CCR5AS: variants seen among roughly 807,000 people sequenced by gnomAD.
CCR5AS encodes CCR5 antisense RNA.
chr3:46,399,027 G>A (rs920979519), intron 1 of CCR5AS, among the ~76,000 whole-genome samples: 1 of 151,982 alleles, frequency 6.6e-6, no homozygotes, highest in Non-Finnish European at 1.5e-5. Context: ...ATTAGAGGAG[G>A]GAAGAGTCTG....
At chr3:46,373,125 T>C (rs892625803) in intron 2 of CCR5AS, 4 of 1,614,060 alleles carry the variant, frequency 2.5e-6, no homozygotes, top group Non-Finnish European at 3.4e-6. Flanking sequence ...CCTGGCCATC[T>C]CTGACCTGTT....
At chr3:46,396,788 T>A (rs1373156698) in intron 1 of CCR5AS, among the ~76,000 whole-genome samples, 2 of 152,194 alleles carry the variant, frequency 1.3e-5, no homozygotes, top group Admixed American at 6.5e-5. Flanking sequence ...TGTCTTGTTC[T>A]CTCCTTTCCA....
At chr3:46,398,510 A>T (rs1701979916) in intron 1 of CCR5AS, among the ~76,000 whole-genome samples, 1 of 152,212 alleles carries the variant, frequency 6.6e-6, no homozygotes, top group South Asian at 2.1e-4. Flanking sequence ...TTTATAAAAA[A>T]TCAAAATCCA....
At chr3:46,388,571 T>C (rs1015341298) in intron 2 of CCR5AS, among the ~76,000 whole-genome samples, 2 of 152,200 alleles carry the variant, frequency 1.3e-5, no homozygotes, top group African/African-American at 4.8e-5. Flanking sequence ...GTTTTTTTTA[T>C]GTTGTCATAT....
intron 2 of CCR5AS, among the ~76,000 whole-genome samples, chr3:46,390,793 G>A (rs1417538791): frequency 1.3e-5 from 2 of 152,154 alleles, no homozygotes; most frequent in Non-Finnish European, 2.9e-5. Flanking sequence ...ATAAAAGAAT[G>A]TTGTCCAAGT....
chr3:46,384,450 T>C (rs1168115362), intron 2 of CCR5AS, among the ~76,000 whole-genome samples: 1 of 152,212 alleles, frequency 6.6e-6, no homozygotes, highest in Non-Finnish European at 1.5e-5. Context: ...GCTTCCAGAT[T>C]GCTTATCTAT....
At chr3:46,399,735 T>G (rs1701990724) in intron 1 of CCR5AS, among the ~76,000 whole-genome samples, 1 of 152,074 alleles carries the variant, frequency 6.6e-6, no homozygotes, top group African/African-American at 2.4e-5. Context: ...CATTTGAAGT[T>G]GGGGCCTGAG....
intron 3 of CCR5AS, among the ~76,000 whole-genome samples, chr3:46,369,015 GCTAT>G (rs67109155): frequency 0.32 from 48,371 of 151,894 alleles, 8,742 homozygotes; most frequent in East Asian, 0.55. Flanking sequence ...TTGTATTTAT[GCTAT>G]CTATTTTCTA....
At chr3:46,374,353 T>C (rs1376345865) in intron 2 of CCR5AS, 1 of 179,398 alleles carries the variant, frequency 5.6e-6, no homozygotes, top group Admixed American at 6.2e-5. Context: ...GTACAACTTT[T>C]TACCTAGTAC....
intron 1 of CCR5AS, among the ~76,000 whole-genome samples, chr3:46,403,814 G>A (rs535767441): frequency 3.9e-5 from 6 of 152,244 alleles, no homozygotes; most frequent in Non-Finnish European, 5.9e-5. Context: ...AAAGTCAGCA[G>A]GAAGCCACTG....
intron 3 of CCR5AS, among the ~76,000 whole-genome samples, chr3:46,369,269 G>C (rs1222116750): frequency 6.6e-6 from 1 of 152,144 alleles, no homozygotes; most frequent in East Asian, 1.9e-4. Context: ...GAGCCAAGTA[G>C]CAGTAATGAA....
chr3:46,369,219 G>A (rs898370697), intron 3 of CCR5AS, among the ~76,000 whole-genome samples: 3 of 152,154 alleles, frequency 2.0e-5, no homozygotes, highest in African/African-American at 7.2e-5. Flanking sequence ...CCACTCTACA[G>A]TTAAGAAAAC....
At chr3:46,382,016 C>G (rs2106761659) in intron 2 of CCR5AS, among the ~76,000 whole-genome samples, 1 of 152,294 alleles carries the variant, frequency 6.6e-6, no homozygotes, top group East Asian at 1.9e-4. Flanking sequence ...AAAAGCAGCC[C>G]CAAAATCATT....
intron 1 of CCR5AS, among the ~76,000 whole-genome samples, chr3:46,406,461 C>T (rs1575290265): frequency 6.6e-6 from 1 of 151,996 alleles, no homozygotes; most frequent in African/African-American, 2.4e-5. Flanking sequence ...TCCCCACAGC[C>T]TCCTCCCACC....
intron 3 of CCR5AS, among the ~76,000 whole-genome samples, chr3:46,369,642 G>A (rs41475349): frequency 0.061 from 9,244 of 152,206 alleles, 932 homozygotes; most frequent in African/African-American, 0.21. Flanking sequence ...CTCTGACAAA[G>A]GACTGCTGAA....
chr3:46,404,261 A>G (rs1363927119), intron 1 of CCR5AS, among the ~76,000 whole-genome samples: 2 of 142,674 alleles, frequency 1.4e-5, no homozygotes, highest in Non-Finnish European at 3.0e-5. Flanking sequence ...GGACCCAACC[A>G]TTTGTGGCTT....
intron 2 of CCR5AS, chr3:46,375,553 G>T (rs1011714673): frequency 3.6e-5 from 6 of 166,534 alleles, no homozygotes; most frequent in Non-Finnish European, 7.3e-5. Context: ...GCATTTAACC[G>T]TCAATAGGCA....
At chr3:46,393,997 G>A (rs774084555) in intron 1 of CCR5AS, among the ~76,000 whole-genome samples, 16 of 152,280 alleles carry the variant, frequency 1.1e-4, no homozygotes, top group Admixed American at 5.9e-4. Flanking sequence ...TGCAAGATGC[G>A]TAGGATTCCT....
chr3:46,399,771 G>A (rs1005324876), intron 1 of CCR5AS, among the ~76,000 whole-genome samples: 1 of 152,158 alleles, frequency 6.6e-6, no homozygotes, highest in Non-Finnish European at 1.5e-5. Context: ...GAGAAAAGCA[G>A]AAGATGAGAT....
Sources: allele counts gnomAD v4.1 joint callset (sites outside exome capture counted in the v4.1 genomes callset), GRCh38; gene constraint gnomAD v4.1.1; transcripts MANE v1.5; gene names NCBI Gene and HGNC (gene_info 2026-07-23, HGNC 2026-07-21).